Variants in PARD3 observed in about 807,000 individuals in gnomAD.
The protein encoded by PARD3 is par-3 family cell polarity regulator.
PARD3 carries 75 observed loss-of-function variants against 155.4 expected under a neutral mutation model. The observed-to-expected ratio is 0.48, with a 90% CI of 0.40 to 0.58. The LOEUF (loss-of-function observed/expected upper bound fraction) is 0.58, where lower values mean the gene tolerates loss of function less well. PARD3 is among the 20% of genes least tolerant of loss of function. The pLI is 0.00. For synonymous variants in PARD3, 576 were observed against 610.5 expected (o/e 0.94, Z 0.83); for missense variants, 1,642 against 1,721.7 (o/e 0.95, Z 0.82).
chr10:34,148,182 C>G (rs1340417695), intron 22 of PARD3, among the ~76,000 whole-genome samples: 2 of 152,176 alleles, frequency 1.3e-5, no homozygotes, highest in African/African-American at 4.8e-5. Context: ...CAGCAATTGC[C>G]TAACCCAGCC....
At chr10:34,189,092 G>C (rs1244536176) in intron 22 of PARD3, among the ~76,000 whole-genome samples, 1 of 152,182 alleles carries the variant, frequency 6.6e-6, no homozygotes, top group Non-Finnish European at 1.5e-5. Flanking sequence ...AGTGCTTTGG[G>C]AGGCTGAGGT....
At chr10:34,777,616 A>G (rs1177153201) in intron 1 of PARD3, among the ~76,000 whole-genome samples, 1 of 151,976 alleles carries the variant, frequency 6.6e-6, no homozygotes, top group East Asian at 1.9e-4. Context: ...CTGCAGCCTC[A>G]AACTCTCAAG....
chr10:34,164,240 A>G (rs1164892895), intron 22 of PARD3, among the ~76,000 whole-genome samples: 2 of 152,250 alleles, frequency 1.3e-5, no homozygotes, highest in African/African-American at 2.4e-5. Context: ...GATGAATAGG[A>G]AAGTTTGTTT....
In PARD3 at chr10:34,459,775, A is replaced by G. The variant is rs187124584; in HGVS notation, c.583-9327T>C. Among the ~76,000 whole-genome samples, 133 of 152,294 alleles carry G rather than the reference A, an allele frequency of 8.7e-4. 1 individual carries two copies. The highest frequency in any genetic ancestry group is 3.0e-3 in the African/African-American group (126 of 41,570). ...TTTAAATAAATTACTACAATTTGAA[A>G]ATGAAGAGATTTAAATCACATATAA... On this transcript the variant is annotated intron_variant, in intron 4 of 24. Coordinates refer to ENST00000374788, the MANE Select transcript of PARD3 (RefSeq NM_001184785.2).
chr10:34,487,841 A>C (rs1243445069), intron 3 of PARD3, among the ~76,000 whole-genome samples: 1 of 152,178 alleles, frequency 6.6e-6, no homozygotes, highest in East Asian at 1.9e-4. Flanking sequence ...TAAAATTATA[A>C]CTTCATCTAA....
At chr10:34,741,165 G>A (rs552098703) in intron 1 of PARD3, among the ~76,000 whole-genome samples, 17 of 117,996 alleles carry the variant, frequency 1.4e-4, no homozygotes, top group African/African-American at 4.2e-4. Context: ...CTGTGTTTTC[G>A]TAAACCAAAT....
At chr10:34,714,666 C>A (rs991943010) in intron 1 of PARD3, among the ~76,000 whole-genome samples, 1 of 152,124 alleles carries the variant, frequency 6.6e-6, no homozygotes, top group African/African-American at 2.4e-5. Flanking sequence ...CTACTCTTGG[C>A]CAAGGGAGGG....
chr10:34,236,196 G>A (rs368629122), intron 22 of PARD3, among the ~76,000 whole-genome samples: 2 of 151,156 alleles, frequency 1.3e-5, no homozygotes, highest in South Asian at 4.2e-4. Context: ...CTGGAGAGAT[G>A]ATGACTAAAT....
intron 22 of PARD3, among the ~76,000 whole-genome samples, chr10:34,156,053 T>C (rs776601976): frequency 2.0e-5 from 3 of 150,822 alleles, no homozygotes; most frequent in Admixed American, 2.0e-4. Flanking sequence ...ATGCATGCCA[T>C]GTGACCTCAA....
At chr10:34,279,560 G>T (rs968483603) in intron 21 of PARD3, among the ~76,000 whole-genome samples, 1 of 152,102 alleles carries the variant, frequency 6.6e-6, no homozygotes, top group Admixed American at 6.6e-5. Context: ...GACAATAAGT[G>T]ATCTAAATGC....
intron 22 of PARD3, among the ~76,000 whole-genome samples, chr10:34,178,852 A>G (rs1056601987): frequency 2.0e-5 from 3 of 152,242 alleles, no homozygotes; most frequent in African/African-American, 7.2e-5. Flanking sequence ...GAGTATTATC[A>G]TAACTGCCTT....
At chr10:34,777,702 T>G (rs537214014) in intron 1 of PARD3, among the ~76,000 whole-genome samples, 17 of 151,950 alleles carry the variant, frequency 1.1e-4, no homozygotes, top group Non-Finnish European at 2.1e-4. Flanking sequence ...AGCTAATTTT[T>G]TTTTTTTTTT....
intron 2 of PARD3, among the ~76,000 whole-genome samples, chr10:34,588,944 C>T (rs1471858312): frequency 6.6e-6 from 1 of 152,110 alleles, no homozygotes; most frequent in Non-Finnish European, 1.5e-5. Context: ...CATTAAAATA[C>T]AAAGTAGCAC....
At chr10:34,273,468 T>C (rs1460915325) in intron 21 of PARD3, among the ~76,000 whole-genome samples, 3 of 152,204 alleles carry the variant, frequency 2.0e-5, no homozygotes, top group Non-Finnish European at 2.9e-5. Flanking sequence ...AACAGGTTAG[T>C]GATGGCTAGG....
chr10:34,205,926 C>A (rs965115946), intron 22 of PARD3, among the ~76,000 whole-genome samples: 2 of 152,182 alleles, frequency 1.3e-5, no homozygotes, highest in Admixed American at 1.3e-4. Flanking sequence ...AACTACAGCA[C>A]TTCATGGCTG....
chr10:34,561,223 C>T lies in PARD3; in HGVS notation c.223-44064G>A, dbSNP rs74631956. On this transcript the variant is annotated intron_variant, in intron 2 of 24. Transcript: ENST00000374788. The stretch of plus-strand genomic sequence containing the variant: ...GTCTCTGAAATCCTTTGGCCACCAT[C>T]CCCGAACCTTTTTCTTCTCCAGGGA... Among the ~76,000 whole-genome samples, 801 of 152,284 alleles carry T rather than the reference C, an allele frequency of 5.3e-3. 1 individual carries two copies. Among genetic ancestry groups the T allele is most frequent in the African/African-American group, 0.018 (751 of 41,558 alleles).
intron 5 of PARD3, among the ~76,000 whole-genome samples, chr10:34,434,191 T>C (rs2076081060): frequency 6.6e-6 from 1 of 152,148 alleles, no homozygotes; most frequent in Non-Finnish European, 1.5e-5. Flanking sequence ...AGGGTAGATC[T>C]GGAGACTAGA....
intron 19 of PARD3, among the ~76,000 whole-genome samples, chr10:34,329,426 T>C (rs943800704): frequency 4.6e-5 from 7 of 152,162 alleles, no homozygotes; most frequent in Non-Finnish European, 8.8e-5. Flanking sequence ...AAGCAAGCTC[T>C]ATAATTGTCA....
At chr10:34,749,577 C>T (rs955157556) in intron 1 of PARD3, among the ~76,000 whole-genome samples, 21 of 151,872 alleles carry the variant, frequency 1.4e-4, no homozygotes, top group Admixed American at 1.4e-3. Context: ...AAATACTTAG[C>T]AAACATATAG....
Sources: gnomAD v4.1 joint callset for allele counts (sites outside exome capture counted in the v4.1 genomes callset) on GRCh38, gnomAD v4.1.1 for gene constraint, MANE v1.5 for transcripts, NCBI Gene and HGNC (gene_info 2026-07-23, HGNC 2026-07-21) for gene names.